Variants in PTPN3 observed in about 807,000 individuals in gnomAD.
PTPN3 encodes the protein tyrosine-protein phosphatase non-receptor type 3.
In PTPN3, 96 loss-of-function variants were observed where a neutral mutation model predicts 132.7. The observed-to-expected ratio is 0.72, with a 90% CI of 0.61 to 0.86. The LOEUF is 0.86. Ranked by LOEUF, PTPN3 falls within the 40% of genes least tolerant of loss-of-function variation. The probability of loss-of-function intolerance (pLI) is 0.00; values close to 1 mark genes in which losing one functional copy is unlikely to be tolerated. For synonymous variants in PTPN3, 398 were observed against 429.0 expected (o/e 0.93, Z 0.89); for missense variants, 1,125 against 1,159.6 (o/e 0.97, Z 0.43).
At chr9:109,486,151 G>A (rs757185696) in intron 1 of PTPN3, among the ~76,000 whole-genome samples, 3 of 152,164 alleles carry the variant, frequency 2.0e-5, no homozygotes, top group Non-Finnish European at 4.4e-5. Context: ...CACCTGGGAC[G>A]GTGCTGGAAA....
At chr9:109,471,128 C>T (rs555815208) in intron 1 of PTPN3, among the ~76,000 whole-genome samples, 1 of 151,654 alleles carries the variant, frequency 6.6e-6, no homozygotes, top group South Asian at 2.1e-4. Context: ...GCAATCTCAG[C>T]TCACTGCAAC....
intron 6 of PTPN3, among the ~76,000 whole-genome samples, chr9:109,448,372 T>C (rs779259152): frequency 5.3e-5 from 8 of 152,172 alleles, no homozygotes; most frequent in Admixed American, 3.9e-4. Flanking sequence ...GCTACTGAGA[T>C]GGTCTTGGTA....
At chr9:109,379,899 C>A (rs977649969) in intron 25 of PTPN3, among the ~76,000 whole-genome samples, 1 of 152,110 alleles carries the variant, frequency 6.6e-6, no homozygotes, top group Non-Finnish European at 1.5e-5. Context: ...AAAGTCCCTG[C>A]GGGACAGCCC....
chr9:109,466,670 T>C (rs894477920), intron 1 of PTPN3, among the ~76,000 whole-genome samples: 2 of 152,208 alleles, frequency 1.3e-5, no homozygotes, highest in Non-Finnish European at 1.5e-5. Context: ...ATGACCAAGC[T>C]GCTGCTGCCA....
At chr9:109,460,072 C>A (rs1015217809) in intron 2 of PTPN3, among the ~76,000 whole-genome samples, 1 of 152,100 alleles carries the variant, frequency 6.6e-6, no homozygotes, top group East Asian at 1.9e-4. Flanking sequence ...AGATGAATAA[C>A]AGGCCTCTCC....
At chr9:109,408,574 C>A (rs946469372) in intron 16 of PTPN3, among the ~76,000 whole-genome samples, 197 bp from the exon 17 acceptor site, 1 of 151,782 alleles carries the variant, frequency 6.6e-6, no homozygotes, top group Admixed American at 6.6e-5. Flanking sequence ...AAATTCCTGA[C>A]CCCTCTGGAT....
At chr9:109,403,498 A>C (rs1482131330) in intron 19 of PTPN3, among the ~76,000 whole-genome samples, 2 of 151,912 alleles carry the variant, frequency 1.3e-5, no homozygotes, top group East Asian at 3.9e-4. Flanking sequence ...TTTTGGTGTT[A>C]TTTCTTTTAT....
chr9:109,477,285 T>A (rs1156929327), intron 1 of PTPN3, among the ~76,000 whole-genome samples: 1 of 152,212 alleles, frequency 6.6e-6, no homozygotes, highest in East Asian at 1.9e-4. Flanking sequence ...GAGGCTCTCA[T>A]GTTGGTAAAT....
At chr9:109,474,798 G>A (rs1463397915) in intron 1 of PTPN3, among the ~76,000 whole-genome samples, 5 of 152,136 alleles carry the variant, frequency 3.3e-5, no homozygotes, top group Admixed American at 2.0e-4. Flanking sequence ...CTGTGGGAAA[G>A]TTACCAGCAT....
At chr9:109,466,021 C>G (rs1036046113) in intron 1 of PTPN3, among the ~76,000 whole-genome samples, 17 of 152,106 alleles carry the variant, frequency 1.1e-4, no homozygotes, top group African/African-American at 4.1e-4. Context: ...CCTAACCAGT[C>G]ACAGATTTGT....
chr9:109,479,536 T>G (rs537577214), intron 1 of PTPN3, among the ~76,000 whole-genome samples: 1 of 152,356 alleles, frequency 6.6e-6, no homozygotes, highest in Non-Finnish European at 1.5e-5. Context: ...GGTATATACG[T>G]AGGAGTAGGA....
chr9:109,411,191 A>C (rs1460177123), intron 14 of PTPN3, among the ~76,000 whole-genome samples: 1 of 152,122 alleles, frequency 6.6e-6, no homozygotes, highest in Non-Finnish European at 1.5e-5. Context: ...TGTCTTAGAG[A>C]GTTACAGATG....
intron 10 of PTPN3, among the ~76,000 whole-genome samples, chr9:109,431,897 A>G (rs948548852): frequency 6.6e-6 from 1 of 152,092 alleles, no homozygotes; most frequent in African/African-American, 2.4e-5. Context: ...TAACCTATAT[A>G]GTGCCTATTT....
At position 109,465,714 on chromosome 9, in the gene PTPN3, A is replaced by C. The variant is rs1846071155; in HGVS notation, c.-17-2263T>G. On this transcript the variant is annotated intron_variant, in intron 1 of 25. Coordinates refer to ENST00000374541, the MANE Select transcript of PTPN3 (RefSeq NM_002829.4). Reference sequence around the variant, plus strand: ...AGAACAAAACTCTGTCTCAAAAAAAAAAAAAAAAAAAAAAAGAATATGTGA... The same window carrying C: ...AGAACAAAACTCTGTCTCAAAAAAACAAAAAAAAAAAAAAAGAATATGTGA... Among the ~76,000 whole-genome samples the C allele has an allele frequency of 3.3e-5, 5 of 149,494 alleles. 1 individual carries two copies. In the South Asian group the frequency reaches 1.0e-3, roughly 31 times the overall value.
chr9:109,379,537 G>T lies in PTPN3; in HGVS notation c.*19C>A, dbSNP rs1006522893. 2.1e-5 allele frequency: 33 copies of T among 1,603,186 alleles called. No homozygotes were observed. Among genetic ancestry groups the T allele is most frequent in the Non-Finnish European group, 2.6e-5 (30 of 1,170,246 alleles). ...GAGGATGCCCTTGGGAAAGAGGAAT[G>T]AACTTTTTCACAGTTGTCTTAACTA... On this transcript the variant is annotated 3_prime_UTR_variant, in exon 26 of 26. Transcript: ENST00000374541.
intron 1 of PTPN3, among the ~76,000 whole-genome samples, chr9:109,485,997 A>C (rs1417252387): frequency 6.6e-6 from 1 of 152,234 alleles, no homozygotes; most frequent in African/African-American, 2.4e-5. Flanking sequence ...ATACAACAGA[A>C]AACATTACAA....
At chr9:109,454,926 G>A (rs986128806) in intron 4 of PTPN3, among the ~76,000 whole-genome samples, 2 of 152,270 alleles carry the variant, frequency 1.3e-5, no homozygotes, top group African/African-American at 2.4e-5. Context: ...AATAGCCTGC[G>A]TTTGTGTAGC....
intron 2 of PTPN3, among the ~76,000 whole-genome samples, chr9:109,458,593 T>G (rs1244397482): frequency 6.6e-6 from 1 of 152,156 alleles, no homozygotes; most frequent in African/African-American, 2.4e-5. Flanking sequence ...CTGCAGAGAC[T>G]TCTTTGGGGC....
At chr9:109,412,772 G>A (rs886418139) in intron 14 of PTPN3, among the ~76,000 whole-genome samples, 20 of 152,018 alleles carry the variant, frequency 1.3e-4, no homozygotes, top group African/African-American at 4.4e-4. Context: ...CTCCCTAAGC[G>A]CTGGGATTAC....
Sources: allele counts gnomAD v4.1 joint callset (sites outside exome capture counted in the v4.1 genomes callset), GRCh38; gene constraint gnomAD v4.1.1; transcripts MANE v1.5; gene names NCBI Gene and HGNC (gene_info 2026-07-23, HGNC 2026-07-21).